Variants in CENPC observed in about 807,000 individuals in gnomAD.
The protein encoded by CENPC is CENP-C 1.
A neutral mutation model predicts 112.1 loss-of-function variants in CENPC; 63 were observed. That is an observed-to-expected ratio of 0.56 (90% confidence interval 0.46 to 0.69). CENPC has a LOEUF of 0.69. CENPC is among the 30% of genes least tolerant of loss of function. CENPC has a pLI of 0.00. For synonymous variants in CENPC, 333 were observed against 367.6 expected, an observed-to-expected ratio of 0.91 and a Z score of 1.08; for missense variants, 1,000 against 1,103.8, an observed-to-expected ratio of 0.91 and a Z score of 1.33.
intron 8 of CENPC, 97 bp downstream of exon 8, chr4:67,513,977 G>A: frequency 8.5e-7 from 1 of 1,172,410 alleles, no homozygotes; most frequent in Non-Finnish European, 1.1e-6. Context: ...TGTTCATTTA[G>A]GTTTACTTTG....
chr4:67,507,018 G>C, intron 10 of CENPC, 84 bp from the exon 11 acceptor site: 1 of 960,172 alleles, frequency 1.0e-6, no homozygotes. Context: ...TGGGTACAAA[G>C]ACAATGTAAT....
intron 7 of CENPC, among the ~76,000 whole-genome samples, chr4:67,516,821 A>G (rs912296095): frequency 3.9e-5 from 6 of 152,034 alleles, no homozygotes; most frequent in Admixed American, 3.9e-4. Flanking sequence ...GAGGATTTCT[A>G]AGATTTGGTC....
chr4:67,476,675 G>A (rs564863836), intron 17 of CENPC, among the ~76,000 whole-genome samples: 4 of 152,314 alleles, frequency 2.6e-5, no homozygotes, highest in African/African-American at 9.6e-5. Context: ...CAGAATTGGG[G>A]GAAGGGCGAA....
chr4:67,494,459 A>G (rs1041595226), intron 13 of CENPC, among the ~76,000 whole-genome samples: 38 of 152,260 alleles, frequency 2.5e-4, no homozygotes, highest in South Asian at 1.2e-3. Flanking sequence ...CTGATTCATC[A>G]TTTCACCCCA....
rs1726112019 is a variant in CENPC, at chr4:67,518,157, T to C, written c.829A>G (p.Ser277Gly). Reference protein sequence around the residue: ...LETVKRKSESSPIVRHAATAP... With the variant: ...LETVKRKSESGPIVRHAATAP... ...AAGGGCAGTTTCTTAATAACTCACC[T>C]GGATTCACTTTTTCGTTTTACTGTT... Residue 277 changes from serine (S) to glycine (G), a missense_variant and splice_region_variant, in exon 7 of 19, where the codon AGT becomes GGT. Physicochemically the swap from Ser to Gly is moderately conservative, Grantham distance 56. Coordinates refer to ENST00000273853, the MANE Select transcript of CENPC (RefSeq NM_001812.4). 6 of 1,515,974 alleles carry C rather than the reference T, an allele frequency of 4.0e-6. No individual in the cohort carries two copies. The highest frequency in any genetic ancestry group is 4.5e-6 in the Non-Finnish European group (5 of 1,122,718). The allele number at this position is 1,515,974 out of a possible 1,614,324, so 93.9% of individuals were successfully genotyped here.
intron 3 of CENPC, among the ~76,000 whole-genome samples, chr4:67,540,369 T>C (rs1178071372): frequency 1.3e-5 from 2 of 152,204 alleles, no homozygotes; most frequent in Non-Finnish European, 2.9e-5. Flanking sequence ...ACATCTATTT[T>C]CATTATATAT....
chr4:67,538,660 C>T (rs1316994527), intron 4 of CENPC, among the ~76,000 whole-genome samples: 2 of 152,190 alleles, frequency 1.3e-5, no homozygotes, highest in Non-Finnish European at 2.9e-5. Flanking sequence ...ATGTGCAGAT[C>T]TCTCTCAAGC....
At chr4:67,482,279 C>T (rs1334427867) in intron 17 of CENPC, among the ~76,000 whole-genome samples, 1 of 152,124 alleles carries the variant, frequency 6.6e-6, no homozygotes, top group African/African-American at 2.4e-5. Flanking sequence ...GGCCTAGATG[C>T]AGTGAAAAGG....
Position 67,509,064 on chromosome 4 carries a change from T to C in CENPC, c.1654A>G (p.Met552Val), listed in dbSNP as rs371635431. 1.7e-5 allele frequency: 28 copies of C among 1,610,936 alleles called. No individual in the cohort carries two copies. Among genetic ancestry groups the C allele is most frequent in the Middle Eastern group, 1.7e-4 (1 of 6,054 alleles). Residue 552 changes from methionine to valine, a missense_variant, in exon 10 of 19, where the codon ATG becomes GTG. Met to Val is a conservative substitution (Grantham distance 21). Coordinates refer to ENST00000273853, the MANE Select transcript of CENPC (RefSeq NM_001812.4). ...GATTTTCGGCTACTATTGTGATGCA[T>C]TGGTAATTCATTTCTTACTGAAGAA... ...SNSSVRNELP[M>V]HHNSSRKSTK...
Position 67,514,384 on chromosome 4 carries a change from TTTATCA to T in CENPC, c.1128_1133del (p.Asp377_Lys378del), listed in dbSNP as rs1350969658. The T allele has an allele frequency of 6.2e-7, 1 of 1,613,512 alleles. No homozygotes were observed. Among genetic ancestry groups the T allele is most frequent in the African/African-American group, 1.3e-5 (1 of 74,938 alleles). ...AAGCATAACTTGTATCCAGTACTGT[TTTATCA>T]GAGGGCTGAGATGTCTCTACTGGGT... On this transcript the variant is annotated inframe_deletion, in exon 8 of 19. Coordinates refer to ENST00000273853, the MANE Select transcript of CENPC (RefSeq NM_001812.4).
intron 5 of CENPC, among the ~76,000 whole-genome samples, chr4:67,523,332 C>T (rs1344079518): frequency 1.3e-5 from 2 of 152,014 alleles, no homozygotes; most frequent in East Asian, 1.9e-4. Context: ...AAATGAATGA[C>T]GTCTGTAAGA....
rs200741539 is a variant in CENPC at position 67,478,629 on chromosome 4, A to AACACAC, written c.2671-3657_2671-3652dup. 7.1e-3 allele frequency among the ~76,000 whole-genome samples: 579 copies of AACACAC among 81,924 alleles called. 2 individuals carry two copies. The highest frequency in any genetic ancestry group is 0.011 in the African/African-American group (231 of 21,450). 53.7% of individuals were successfully genotyped at this position (81,924 alleles called of 152,430 possible). On this transcript the variant is annotated intron_variant, in intron 17 of 18. Coordinates refer to ENST00000273853, the MANE Select transcript of CENPC (RefSeq NM_001812.4). ...AGGATAAATCTCCCAGGGTCTATAA[A>AACACAC]ACACACACACACACACACACACACA...
chr4:67,491,444 T>C (rs1320697505), intron 16 of CENPC, among the ~76,000 whole-genome samples: 2 of 62,940 alleles, frequency 3.2e-5, no homozygotes, highest in African/African-American at 1.3e-4. Flanking sequence ...ATTTAAATAT[T>C]TCATATATAT....
At chr4:67,473,499 T>C (rs903566564) in intron 18 of CENPC, among the ~76,000 whole-genome samples, 1 of 152,160 alleles carries the variant, frequency 6.6e-6, no homozygotes, top group Non-Finnish European at 1.5e-5. Context: ...TTTGCCTGTT[T>C]TTTCATTTAT....
At chr4:67,481,370 TATC>T (rs1447842595) in intron 17 of CENPC, among the ~76,000 whole-genome samples, 3 of 152,124 alleles carry the variant, frequency 2.0e-5, no homozygotes. Context: ...ATCAAAATAC[TATC>T]ATCATTCTTC....
Position 67,530,828 on chromosome 4 carries a change from G to A in CENPC, c.318C>T (p.Ala106=). The A allele has an allele frequency of 6.3e-7, 1 of 1,586,084 alleles. No individual in the cohort carries two copies. ...SLQFVVEPSE[A]TNRSVQAHEV... ...GATGGCACCAACCTGATCTGTTTGTGGCTTCACTTGGTTCTACAACAAACT... is the reference window on the plus strand; with the variant it reads ...GATGGCACCAACCTGATCTGTTTGTAGCTTCACTTGGTTCTACAACAAACT... Residue 106 remains alanine, a synonymous_variant, in exon 5 of 19, where the codon GCC becomes GCT. Transcript: ENST00000273853.
chr4:67,483,108 T>A (rs1373044110), intron 17 of CENPC, among the ~76,000 whole-genome samples: 1 of 152,192 alleles, frequency 6.6e-6, no homozygotes, highest in African/African-American at 2.4e-5. Context: ...CCTTCTGCCA[T>A]AATTGTAAGT....
At chr4:67,494,412 C>T (rs576846310) in intron 13 of CENPC, among the ~76,000 whole-genome samples, 6 of 152,252 alleles carry the variant, frequency 3.9e-5, no homozygotes, top group Admixed American at 1.3e-4. Flanking sequence ...ATACTGAAGC[C>T]CTGCTCAGGA....
rs1022025546 is a variant in CENPC at position 67,471,755 on chromosome 4, C to T, written c.*850G>A. ...CTTCAGAGTTAATGAGAATTATATG[C>T]TAACCATACCAAAAACCTTGATTAG... On this transcript the variant is annotated 3_prime_UTR_variant, in exon 19 of 19. Coordinates refer to ENST00000273853, the MANE Select transcript of CENPC (RefSeq NM_001812.4). 2 of 152,128 alleles carry T rather than the reference C, an allele frequency of 1.3e-5. No individual in the cohort carries two copies. Among genetic ancestry groups the T allele is most frequent in the Non-Finnish European group, 2.9e-5 (2 of 68,032 alleles). 9.4% of individuals were successfully genotyped at this position (152,128 alleles called of 1,614,324 possible).
Sources: allele counts gnomAD v4.1 joint callset (sites outside exome capture counted in the v4.1 genomes callset), GRCh38; gene constraint gnomAD v4.1.1; transcripts MANE v1.5; gene names NCBI Gene and HGNC (gene_info 2026-07-23, HGNC 2026-07-21).